The following GATA6 variants were observed in gnomAD, a reference collection of about 807,000 sequenced individuals.
GATA6 encodes transcription factor GATA-6.
In GATA6, 11 loss-of-function variants were observed where a neutral mutation model predicts 48.1. The observed-to-expected ratio is 0.23, with a 90% CI of 0.14 to 0.38. GATA6 has a LOEUF of 0.38. Among genes scored for constraint, GATA6 ranks in the 10% least tolerant of loss-of-function variants. The pLI is 1.00. For synonymous variants in GATA6, 419 were observed against 396.1 expected (o/e 1.06, Z -0.69); for missense variants, 795 against 850.3 (o/e 0.93, Z 0.81).
intron 6 of GATA6, among the ~76,000 whole-genome samples, chr18:22,183,817 T>C (rs2033227997): frequency 6.6e-6 from 1 of 152,204 alleles, no homozygotes; most frequent in Non-Finnish European, 1.5e-5. Context: ...ATACTGGGCC[T>C]TCCCTCAGAC....
At chr18:22,184,964 G>T (rs2033246702) in intron 6 of GATA6, among the ~76,000 whole-genome samples, 1 of 152,186 alleles carries the variant, frequency 6.6e-6, no homozygotes, top group African/African-American at 2.4e-5. Flanking sequence ...CAGCTTAAAT[G>T]TGGCAAAAAG....
rs2033459809 is a variant in GATA6 at position 22,201,271 on chromosome 18, A to G, written c.*448A>G. On this transcript the variant is annotated 3_prime_UTR_variant, in exon 7 of 7. Transcript: ENST00000269216. ...AAGATCACTTGAGGCCATTTGGTAC[A>G]CATCTCTGGAGGCTGAGTCGGTTCA... 2 of 201,326 alleles carry G rather than the reference A, an allele frequency of 9.9e-6. No homozygotes were observed. Among genetic ancestry groups the G allele is most frequent in the South Asian group, 1.9e-4 (2 of 10,492 alleles). 12.5% of individuals were successfully genotyped at this position (201,326 alleles called of 1,614,324 possible).
chr18:22,200,682 G>A lies in GATA6; in HGVS notation c.1647G>A (p.Ala549=). ...SGAGAPVMTG[A]GESTNPENSE... Reference sequence around the variant, plus strand: ...CGGGTGCCCCGGTGATGACTGGTGCGGGAGAGAGCACCAATCCCGAGAACA... The same window carrying A: ...CGGGTGCCCCGGTGATGACTGGTGCAGGAGAGAGCACCAATCCCGAGAACA... The change falls in exon 7 of 7, where the codon GCG becomes GCA. Residue 549 remains alanine (A), a synonymous_variant. Coordinates refer to ENST00000269216, the MANE Select transcript of GATA6 (RefSeq NM_005257.6). The A allele has an allele frequency of 3.1e-6, 5 of 1,614,198 alleles. No individual in the cohort carries two copies. Among genetic ancestry groups the A allele is most frequent in the Non-Finnish European group, 2.5e-6 (3 of 1,180,034 alleles).
chr18:22,172,135 C>T lies in GATA6; in HGVS notation c.991C>T (p.His331Tyr). ...GTYHHHHHHH[H>Y]HHPSPYSPYV... Reference sequence around the variant, plus strand: ...GTACCACCACCACCACCACCACCACCACCACCATCCGAGCCCCTACTCGCC... The same window carrying T: ...GTACCACCACCACCACCACCACCACTACCACCATCCGAGCCCCTACTCGCC... The change falls in exon 2 of 7, where the codon CAC becomes TAC. Residue 331 changes from histidine (H) to tyrosine (Y), a missense_variant. By Grantham distance (83) the His-to-Tyr change is moderately conservative. Around this residue, in one of 5 missense-constraint regions of GATA6, gnomAD observed 591 missense variants for 570.0 expected, o/e 1.04. Transcript: ENST00000269216. The surrounding 1 kb of genome is among the most constrained non-coding windows in gnomAD (Gnocchi z 5.2). 6.5e-7 allele frequency: 1 copy of T among 1,527,350 alleles called. No individual in the cohort carries two copies. The highest frequency in any genetic ancestry group is 8.7e-7 in the Non-Finnish European group (1 of 1,143,034). 94.6% of individuals were successfully genotyped at this position (1,527,350 alleles called of 1,614,324 possible). A position where few individuals can be genotyped will look rare whatever the true frequency, so the allele number is the denominator to read the frequency against.
At chr18:22,192,848 C>G (rs191450871) in intron 6 of GATA6, among the ~76,000 whole-genome samples, 39 of 152,310 alleles carry the variant, frequency 2.6e-4, no homozygotes, top group Middle Eastern at 3.4e-3. Context: ...TGGTGATAAT[C>G]CCAGAGTACT....
chr18:22,180,689 T>A (rs9949157), intron 3 of GATA6, among the ~76,000 whole-genome samples: 80,898 of 150,728 alleles, frequency 0.54, 21,809 homozygotes, highest in African/African-American at 0.58. Flanking sequence ...TTTTTTTTTT[T>A]AAAAAAAACT....
At chr18:22,196,027 G>GC (rs1376255822) in intron 6 of GATA6, among the ~76,000 whole-genome samples, 11 of 152,208 alleles carry the variant, frequency 7.2e-5, no homozygotes, top group African/African-American at 2.7e-4. Flanking sequence ...GCAGCTAACT[G>GC]CCTTCTGTAA....
chr18:22,176,645 AGGGGACTC>A, intron 2 of GATA6: 1 of 320,266 alleles, frequency 3.1e-6, no homozygotes, highest in South Asian at 3.4e-5. Flanking sequence ...AGTAGGGGTC[AGGGGACTC>A]AAGCCGACCT....
At chr18:22,178,965 A>G (rs2033160705) in intron 3 of GATA6, among the ~76,000 whole-genome samples, 1 of 152,234 alleles carries the variant, frequency 6.6e-6, no homozygotes, top group Non-Finnish European at 1.5e-5. Flanking sequence ...ATTTGGTGGA[A>G]TAGTAGTCAT....
In GATA6 at chr18:22,170,539, C is replaced by G. The variant is rs28735350; in HGVS notation, c.-37-569C>G. ...GCTGGTCAGCGCAGTCCGGGAAGCT[C>G]TGGGAGAGCCAATATAGGAGAACGC... is the stretch of plus-strand genomic sequence containing the variant. On this transcript the variant is annotated intron_variant, in intron 1 of 6. Transcript: ENST00000269216. The surrounding 1 kb of genome is among the most constrained non-coding windows in gnomAD (Gnocchi z 6.7). 0.041 allele frequency among the ~76,000 whole-genome samples: 6,226 copies of G among 152,314 alleles called. 398 individuals carry two copies. Among genetic ancestry groups the G allele is most frequent in the African/African-American group, 0.13 (5,577 of 41,554 alleles).
rs753787928 is a variant in GATA6 at position 22,200,757 on chromosome 18, C to T, written c.1722C>T (p.Leu574=). The T allele has an allele frequency of 6.2e-6, 10 of 1,613,896 alleles. No homozygotes were observed. The highest frequency in any genetic ancestry group is 5.5e-5 in the South Asian group (5 of 91,068). The stretch of plus-strand genomic sequence containing the variant: ...ATGGGCTCTACATAGGCGTCAGTCT[C>T]GCCTCGCCGGCCGAAGTCACGTCCT... ...GQDGLYIGVS[L]ASPAEVTSSV... The change falls in exon 7 of 7, where the codon CTC becomes CTT. Residue 574 remains leucine (L), a synonymous_variant. Coordinates refer to ENST00000269216, the MANE Select transcript of GATA6 (RefSeq NM_005257.6).
intron 3 of GATA6, chr18:22,180,091 A>G (rs1165518396): frequency 6.6e-6 from 1 of 151,952 alleles, no homozygotes; most frequent in Non-Finnish European, 1.5e-5. Flanking sequence ...TTGGTCCTGA[A>G]TCTTTCTCTG....
chr18:22,196,501 G>T (rs189450593), intron 6 of GATA6, among the ~76,000 whole-genome samples: 31 of 152,320 alleles, frequency 2.0e-4, no homozygotes, highest in African/African-American at 7.0e-4. Flanking sequence ...AGCACTTTGG[G>T]AGGCTGAGGC....
At position 22,171,663 on chromosome 18, in the gene GATA6, G is replaced by GGCCGCGGCGGCAGCA. The variant is rs777216159; in HGVS notation, c.531_545dup (p.Ala179_Ala183dup). On this transcript the variant is annotated inframe_insertion, in exon 2 of 7. Coordinates refer to ENST00000269216, the MANE Select transcript of GATA6 (RefSeq NM_005257.6). The surrounding 1 kb of genome is among the most constrained non-coding windows in gnomAD (Gnocchi z 7.1). ...CGCCCGGCGGCTTCGTGCACTCTGCGGCCGCGGCGGCAGCAGCCGCGGCGG... is the reference window on the plus strand; with the variant it reads ...CGCCCGGCGGCTTCGTGCACTCTGCGGCCGCGGCGGCAGCAGCCGCGGCGGCAGCAGCCGCGGCGG... 6.6e-7 allele frequency: 1 copy of GGCCGCGGCGGCAGCA among 1,522,612 alleles called. No homozygotes were observed. The highest frequency in any genetic ancestry group is 8.7e-7 in the Non-Finnish European group (1 of 1,145,090). The allele number at this position is 1,522,612 out of a possible 1,614,324, so 94.3% of individuals were successfully genotyped here. A position where few individuals can be genotyped will look rare whatever the true frequency, so the allele number is the denominator to read the frequency against.
rs569785771 is a variant in GATA6 at position 22,171,095 on chromosome 18, C to A, written c.-37-13C>A. 1.3e-6 allele frequency: 2 copies of A among 1,538,132 alleles called. No individual in the cohort carries two copies. The highest frequency in any genetic ancestry group is 1.7e-5 in the Admixed American group (1 of 59,172). ...GATCTCCTACCATACCCGTCTCCCC[C>A]ACCCCACCTCAGGAGCTAGACGTCA... On this transcript the variant is annotated splice_polypyrimidine_tract_variant and intron_variant, in intron 1 of 6. Transcript: ENST00000269216. The surrounding 1 kb of genome is among the most constrained non-coding windows in gnomAD (Gnocchi z 7.1).
At chr18:22,177,252 C>A in intron 3 of GATA6, 131 bp downstream of exon 3, 1 of 812,586 alleles carries the variant, frequency 1.2e-6, no homozygotes, top group Non-Finnish European at 1.8e-6. Flanking sequence ...TGCGGTCCCA[C>A]CCTAGCGGGG....
In GATA6 at chr18:22,171,670, G is replaced by A. The variant is rs1182622496; in HGVS notation, c.526G>A (p.Ala176Thr). Residue 176 changes from alanine to threonine, a missense_variant, in exon 2 of 7, where the codon GCG becomes ACG. By Grantham distance (58) the Ala-to-Thr change is moderately conservative. Transcript: ENST00000269216. This position sits in a 1 kb window ranked among gnomAD's most constrained non-coding sequence, Gnocchi z 7.1. ...PGGFVHSAAA[A>T]AAAAAAASSP... is the part of the protein sequence containing the mutation. ...CGGCTTCGTGCACTCTGCGGCCGCG[G>A]CGGCAGCAGCCGCGGCGGCGGCCAG... 10 of 1,509,576 alleles carry A rather than the reference G, an allele frequency of 6.6e-6. No homozygotes were observed. Among genetic ancestry groups the A allele is most frequent in the Non-Finnish European group, 8.8e-6 (10 of 1,138,690 alleles). The allele number at this position is 1,509,576 out of a possible 1,614,324, so 93.5% of individuals were successfully genotyped here.
chr18:22,200,519 C>T (rs1303781381), intron 6 of GATA6, 137 bp from the exon 7 acceptor site: 13 of 1,090,516 alleles, frequency 1.2e-5, no homozygotes, highest in Admixed American at 3.4e-5. Context: ...CTTCATTTCT[C>T]CTGCCCTGGG....
chr18:22,176,919 G>A, intron 2 of GATA6, 36 bp from the exon 3 acceptor site: 1 of 1,522,416 alleles, frequency 6.6e-7, no homozygotes, highest in South Asian at 1.2e-5. Flanking sequence ...GGTCCGGCGC[G>A]CCCACTCCCG....
Sources: allele counts gnomAD v4.1 joint callset (sites outside exome capture counted in the v4.1 genomes callset), GRCh38; gene constraint gnomAD v4.1.1; regional missense constraint gnomAD v4.1.1; non-coding constraint Gnocchi (gnomAD v3.1); transcripts MANE v1.5; gene names NCBI Gene and HGNC (gene_info 2026-07-23, HGNC 2026-07-21).